TRDN: variants seen among roughly 807,000 people sequenced by gnomAD.
The protein encoded by TRDN is triadin in skeletal muscle.
In TRDN, 161 loss-of-function variants were observed where a neutral mutation model predicts 149.7. The ratio of observed to expected loss-of-function variants is 1.08; its 90% CI spans 0.95 to 1.23. TRDN has a LOEUF of 1.23. Among genes scored for constraint, TRDN ranks in the 50% most tolerant of loss-of-function variants. The probability of loss-of-function intolerance (pLI) is 0.00; values close to 1 mark genes in which losing one functional copy is unlikely to be tolerated. For missense variants in TRDN, 896 were observed against 823.5 expected (o/e 1.09, Z -1.08); for synonymous variants, 294 against 250.5 (o/e 1.17, Z -1.64).
chr6:123,408,489 T>A (rs544111997), intron 12 of TRDN, among the ~76,000 whole-genome samples: 11 of 151,780 alleles, frequency 7.2e-5, no homozygotes, highest in African/African-American at 2.7e-4. Flanking sequence ...ACCAGCCTGG[T>A]CAACATGGAG....
chr6:123,310,397 A>G (rs1353030842), intron 24 of TRDN, among the ~76,000 whole-genome samples: 1 of 152,068 alleles, frequency 6.6e-6, no homozygotes, highest in Non-Finnish European at 1.5e-5. Flanking sequence ...AAAGAAAAGG[A>G]AATTTGTGAA....
rs149597177 is a variant in TRDN at position 123,380,828 on chromosome 6, C to T, written c.1186+542G>A. On this transcript the variant is annotated intron_variant, in intron 16 of 40. Coordinates refer to ENST00000334268, the MANE Select transcript of TRDN (RefSeq NM_006073.4). ...TGAGCTTGACTGAATTGTTAGCACA[C>T]AGTCTTAATAGTGTTAAAGCAACAG... Among the ~76,000 whole-genome samples, 201 of 151,568 alleles carry T rather than the reference C, an allele frequency of 1.3e-3. 4 individuals are homozygous for T. The East Asian group carries it at 0.029, about 22-fold the overall frequency.
chr6:123,358,078 A>AAAG lies in TRDN; in HGVS notation c.1322-5495_1322-5493dup, dbSNP rs2114324767. On this transcript the variant is annotated intron_variant, in intron 20 of 40. Coordinates refer to ENST00000334268, the MANE Select transcript of TRDN (RefSeq NM_006073.4). ...TGAATTTTTTAACTTCTTGGAGTCAAAAGAAGACCGTCATCAGTTTCTCTT... is the reference window on the plus strand; with the variant it reads ...TGAATTTTTTAACTTCTTGGAGTCAAAAGAAGAAGACCGTCATCAGTTTCTCTT... Among the ~76,000 whole-genome samples the AAAG allele has an allele frequency of 1.3e-5, 2 of 152,338 alleles. 1 individual carries two copies. The highest frequency in any genetic ancestry group is 3.9e-4 in the East Asian group (2 of 5,186).
At chr6:123,499,232 A>C (rs1778575923) in intron 8 of TRDN, among the ~76,000 whole-genome samples, 1 of 152,186 alleles carries the variant, frequency 6.6e-6, no homozygotes, top group South Asian at 2.1e-4. Flanking sequence ...ATGAAATATT[A>C]TCTGCCCCAT....
intron 1 of TRDN, among the ~76,000 whole-genome samples, chr6:123,586,726 A>G (rs555707311): frequency 9.5e-4 from 145 of 152,094 alleles, no homozygotes; most frequent in African/African-American, 3.4e-3. Context: ...ACTAAGGGAG[A>G]AGAAGGAGGA....
intron 9 of TRDN, among the ~76,000 whole-genome samples, chr6:123,472,432 C>A (rs191489062): frequency 1.3e-5 from 2 of 152,342 alleles, no homozygotes; most frequent in African/African-American, 4.8e-5. Context: ...GAGGGTCCTA[C>A]GCCCACGGAA....
chr6:123,290,218 C>G (rs1281764119), intron 24 of TRDN, among the ~76,000 whole-genome samples: 2 of 152,010 alleles, frequency 1.3e-5, no homozygotes, highest in South Asian at 4.2e-4. Context: ...ATTTTCCACA[C>G]CTATTGAGGC....
At chr6:123,412,127 CA>C (rs1773467880) in intron 12 of TRDN, among the ~76,000 whole-genome samples, 1 of 152,110 alleles carries the variant, frequency 6.6e-6, no homozygotes, top group Admixed American at 6.6e-5. Flanking sequence ...TTTATCTCCC[CA>C]AAATATAGCT....
At chr6:123,231,731 A>G (rs1775609148) in intron 38 of TRDN, among the ~76,000 whole-genome samples, 1 of 152,194 alleles carries the variant, frequency 6.6e-6, no homozygotes, top group Admixed American at 6.6e-5. Flanking sequence ...ATGACAAGTC[A>G]GAAAAGGGCC....
chr6:123,597,546 T>C (rs138860967), intron 1 of TRDN, among the ~76,000 whole-genome samples: 3 of 152,190 alleles, frequency 2.0e-5, no homozygotes, highest in Non-Finnish European at 4.4e-5. Flanking sequence ...TTGCAGGCTA[T>C]TGAGAAATCT....
At chr6:123,590,744 A>C (rs1049238945) in intron 1 of TRDN, among the ~76,000 whole-genome samples, 3 of 152,090 alleles carry the variant, frequency 2.0e-5, no homozygotes, top group Non-Finnish European at 4.4e-5. Context: ...GCCTGGGCGA[A>C]AGAGTGAGAC....
intron 2 of TRDN, among the ~76,000 whole-genome samples, chr6:123,552,025 A>G (rs1206744237): frequency 7.1e-6 from 1 of 141,494 alleles, no homozygotes; most frequent in Non-Finnish European, 1.5e-5. Flanking sequence ...TTAAAACTGG[A>G]AAAAAAAATG....
intron 10 of TRDN, among the ~76,000 whole-genome samples, chr6:123,462,055 TACA>T (rs1776479179): frequency 6.6e-6 from 1 of 152,190 alleles, no homozygotes. Context: ...AATACAAATT[TACA>T]ACAATGACCA....
At chr6:123,245,647 A>G (rs1287764488) in intron 38 of TRDN, among the ~76,000 whole-genome samples, 1 of 152,178 alleles carries the variant, frequency 6.6e-6, no homozygotes, top group Non-Finnish European at 1.5e-5. Flanking sequence ...ATAGTGGGAA[A>G]CTTTAACATC....
At chr6:123,293,266 G>C (rs766818769) in intron 24 of TRDN, among the ~76,000 whole-genome samples, 9 of 152,006 alleles carry the variant, frequency 5.9e-5, no homozygotes, top group Non-Finnish European at 1.2e-4. Context: ...TTGGTAAATA[G>C]AACTCTCCCC....
At chr6:123,465,930 T>C (rs549364292) in intron 9 of TRDN, among the ~76,000 whole-genome samples, 4 of 152,310 alleles carry the variant, frequency 2.6e-5, no homozygotes, top group African/African-American at 9.6e-5. Context: ...ATTAGTTATC[T>C]ATGGTGTAAT....
chr6:123,232,845 G>T (rs1371911093), intron 38 of TRDN, among the ~76,000 whole-genome samples: 1 of 151,930 alleles, frequency 6.6e-6, no homozygotes, highest in Admixed American at 6.6e-5. Context: ...TGTCCAGTCT[G>T]CTCTATATGC....
chr6:123,499,703 C>CAAAAAAAAAAAAAAAAAAAAAAAAAAA, intron 8 of TRDN, among the ~76,000 whole-genome samples: 1 of 22,816 alleles, frequency 4.4e-5, no homozygotes, highest in African/African-American at 1.4e-4. Context: ...GATTCTGGCT[C>CAAAAAAAAAAAAAAAAAAAAAAAAAAA]AAAAAAAAAA....
At chr6:123,419,038 A>T (rs1466179005) in intron 12 of TRDN, among the ~76,000 whole-genome samples, 1 of 151,866 alleles carries the variant, frequency 6.6e-6, no homozygotes, top group Non-Finnish European at 1.5e-5. Context: ...ATCTATGTGA[A>T]CCTACTCCCA....
Sources: gnomAD v4.1 joint callset for allele counts (sites outside exome capture counted in the v4.1 genomes callset) on GRCh38, gnomAD v4.1.1 for gene constraint, MANE v1.5 for transcripts, NCBI Gene and HGNC (gene_info 2026-07-23, HGNC 2026-07-21) for gene names.